Variants in IL6R observed in about 807,000 individuals in gnomAD.
IL6R encodes interleukin 6 receptor.
In IL6R, 38 loss-of-function variants were observed where a neutral mutation model predicts 48.3. That is an observed-to-expected ratio of 0.79 (90% CI 0.61 to 1.03). The LOEUF is 1.03. IL6R is among the 50% of genes least tolerant of loss of function. The probability of loss-of-function intolerance (pLI) is 0.00; values close to 1 mark genes in which losing one functional copy is unlikely to be tolerated. For missense variants in IL6R, 534 were observed against 618.3 expected, an observed-to-expected ratio of 0.86 and a Z score of 1.45; for synonymous variants, 264 against 256.2, an observed-to-expected ratio of 1.03 and a Z score of -0.29.
chr1:154,458,508 A>G (rs1205436798), intron 9 of IL6R, among the ~76,000 whole-genome samples: 1 of 152,110 alleles, frequency 6.6e-6, no homozygotes, highest in East Asian at 1.9e-4. Flanking sequence ...GCTTCAACAG[A>G]CTTTTCTCAT....
chr1:154,421,689 A>G (rs1015478359), intron 1 of IL6R, among the ~76,000 whole-genome samples: 3 of 152,112 alleles, frequency 2.0e-5, no homozygotes. Context: ...GCACAATCAC[A>G]GCTCACTTCA....
At chr1:154,438,303 C>T (rs1014695729) in intron 6 of IL6R, among the ~76,000 whole-genome samples, 1 of 151,718 alleles carries the variant, frequency 6.6e-6, no homozygotes, top group Non-Finnish European at 1.5e-5. Flanking sequence ...ATGCAAGAAT[C>T]TCCCTGACCA....
At position 154,465,431 on chromosome 1, in the gene IL6R, C is replaced by T. The variant is rs778814658; in HGVS notation, c.*51C>T. 33 of 1,601,990 alleles carry T rather than the reference C, an allele frequency of 2.1e-5. No homozygotes were observed. The South Asian group carries it at 2.2e-4, about 11-fold the overall frequency. ...GACCCTGTGGATGATAAAACACAAA[C>T]GGGCTCAGCAAAAGATGCTTCTCAC... On this transcript the variant is annotated 3_prime_UTR_variant, in exon 10 of 10. Coordinates refer to ENST00000368485, the MANE Select transcript of IL6R (RefSeq NM_000565.4).
chr1:154,463,633 G>T (rs1385814001), intron 9 of IL6R, among the ~76,000 whole-genome samples: 1 of 152,228 alleles, frequency 6.6e-6, no homozygotes, highest in Non-Finnish European at 1.5e-5. Context: ...TCACAAAGTG[G>T]GAAGCAAGAG....
At chr1:154,450,989 G>A (rs1223217094) in intron 8 of IL6R, among the ~76,000 whole-genome samples, 1 of 152,234 alleles carries the variant, frequency 6.6e-6, no homozygotes, top group East Asian at 1.9e-4. Context: ...GAGGATTAGA[G>A]CCATCCCTGT....
chr1:154,422,221 C>T (rs1011363963), intron 1 of IL6R, among the ~76,000 whole-genome samples: 1 of 152,182 alleles, frequency 6.6e-6, no homozygotes, highest in Non-Finnish European at 1.5e-5. Flanking sequence ...GGATTACAGG[C>T]GTGAGCCACG....
intron 9 of IL6R, among the ~76,000 whole-genome samples, chr1:154,463,377 ATTGT>A (rs1426370706): frequency 6.6e-6 from 1 of 152,150 alleles, no homozygotes; most frequent in Non-Finnish European, 1.5e-5. Context: ...TATTCTGCAG[ATTGT>A]TTATTTCATT....
intron 9 of IL6R, among the ~76,000 whole-genome samples, chr1:154,458,807 A>G (rs1426052130): frequency 2.0e-5 from 3 of 151,716 alleles, no homozygotes; most frequent in African/African-American, 7.3e-5. Context: ...AGGCTGAGGT[A>G]GGAGAATCGC....
intron 6 of IL6R, among the ~76,000 whole-genome samples, chr1:154,444,043 G>C (rs1365904731): frequency 6.6e-6 from 1 of 151,922 alleles, no homozygotes. Flanking sequence ...CAGCCATTCT[G>C]TTGCACTCCA....
intron 6 of IL6R, among the ~76,000 whole-genome samples, chr1:154,439,121 A>G (rs1377955592): frequency 6.6e-6 from 1 of 152,144 alleles, no homozygotes; most frequent in Admixed American, 6.5e-5. Flanking sequence ...AATCAGCTCT[A>G]ACATCGTGCA....
intron 1 of IL6R, chr1:154,414,716 G>A: frequency 1.2e-6 from 1 of 824,146 alleles, no homozygotes; most frequent in Non-Finnish European, 2.1e-6. Flanking sequence ...ATTAGGTATT[G>A]CTCCAGGGAC....
intron 7 of IL6R, among the ~76,000 whole-genome samples, chr1:154,448,507 G>A (rs1690400248): frequency 6.6e-6 from 1 of 152,196 alleles, no homozygotes; most frequent in African/African-American, 2.4e-5. Flanking sequence ...GACTCTTGGT[G>A]ACATAATTTG....
chr1:154,464,435 G>A (rs979371562), intron 9 of IL6R, among the ~76,000 whole-genome samples: 4 of 152,108 alleles, frequency 2.6e-5, no homozygotes, highest in African/African-American at 9.7e-5. Flanking sequence ...GATTACAGGC[G>A]TGAGCCACTG....
chr1:154,423,555 T>G (rs1688809299), intron 1 of IL6R, among the ~76,000 whole-genome samples: 1 of 152,070 alleles, frequency 6.6e-6, no homozygotes, highest in Non-Finnish European at 1.5e-5. Flanking sequence ...CTGCCCACTC[T>G]GACTTTAGCA....
chr1:154,428,436 A>G (rs1226781417), intron 1 of IL6R, among the ~76,000 whole-genome samples: 2 of 152,118 alleles, frequency 1.3e-5, no homozygotes, highest in African/African-American at 4.8e-5. Flanking sequence ...CAACTATATA[A>G]CGGGCATTCT....
In IL6R at chr1:154,436,006, C is replaced by T. The variant is rs1558315368; in HGVS notation, c.845C>T (p.Ala282Val). 1 of 1,611,764 alleles carries T rather than the reference C, an allele frequency of 6.2e-7. No homozygotes were observed. The highest frequency in any genetic ancestry group is 8.5e-7 in the Non-Finnish European group (1 of 1,178,444). The change falls in exon 6 of 10, where the codon GCC (alanine) becomes GTC (valine). Residue 282 changes from alanine (A) to valine (V), a missense_variant. Physicochemically the swap from Ala to Val is moderately conservative, Grantham distance 64 (BLOSUM62 0). Transcript: ENST00000368485. Reference protein sequence around the residue: ...DLQHHCVIHDAWSGLRHVVQL... With the variant: ...DLQHHCVIHDVWSGLRHVVQL... ...CAGCATCACTGTGTCATCCACGACG[C>T]CTGGAGCGGCCTGAGGCACGTGGTG... is the stretch of plus-strand genomic sequence containing the variant.
chr1:154,454,332 T>C, intron 8 of IL6R, 156 bp from the exon 9 acceptor site: 1 of 611,476 alleles, frequency 1.6e-6, no homozygotes, highest in Non-Finnish European at 2.9e-6. Context: ...GGCCTGTTGG[T>C]TGGCAGAGCT....
chr1:154,455,602 G>A (rs777894072), intron 9 of IL6R, among the ~76,000 whole-genome samples: 20 of 150,250 alleles, frequency 1.3e-4, no homozygotes, highest in Non-Finnish European at 2.4e-4. Flanking sequence ...ACAGGTGCCC[G>A]CTACCATGCC....
intron 9 of IL6R, among the ~76,000 whole-genome samples, chr1:154,456,859 A>C (rs1405815051): frequency 2.0e-5 from 3 of 152,154 alleles, no homozygotes; most frequent in Non-Finnish European, 4.4e-5. Context: ...AGTTCTGTAG[A>C]GAAGGAAGTG....
Sources: gnomAD v4.1 joint callset for allele counts (sites outside exome capture counted in the v4.1 genomes callset) on GRCh38, gnomAD v4.1.1 for gene constraint, MANE v1.5 for transcripts, NCBI Gene and HGNC (gene_info 2026-07-23, HGNC 2026-07-21) for gene names.